The following TBATA variants were observed in gnomAD, a reference collection of about 807,000 sequenced individuals.
The protein encoded by TBATA is thymus, brain and testes associated, also known as protein TBATA.
In TBATA, 47 loss-of-function variants were observed where a neutral mutation model predicts 38.7. The ratio of observed to expected loss-of-function variants is 1.21; its 90% CI spans 0.96 to 1.55. The LOEUF (loss-of-function observed/expected upper bound fraction) is 1.55, where lower values mean the gene tolerates loss of function less well. TBATA is among the 40% of genes most tolerant of loss of function. The pLI is 0.00. For missense variants in TBATA, 436 were observed against 435.6 expected, an observed-to-expected ratio of 1.00 and a Z score of -0.01; for synonymous variants, 183 against 170.5, an observed-to-expected ratio of 1.07 and a Z score of -0.57.
chr10:70,772,455 A>T, intron 10 of TBATA, 59 bp downstream of exon 10: 1 of 1,551,356 alleles, frequency 6.4e-7, no homozygotes, highest in Non-Finnish European at 8.9e-7. Context: ...TCCCCTGAGA[A>T]ATCCAGCCAG....
At position 70,782,027 on chromosome 10, in the gene TBATA, A is replaced by G. The variant is rs147912549; in HGVS notation, c.51T>C (p.Ala17=). The change falls in exon 4 of 11, where the codon GCT becomes GCC. Residue 17 remains alanine, a synonymous_variant. Transcript: ENST00000456372. ...LADYPLMSPK[A]ELKLEKKSGR... ...CTGACTTCTTCTCCAGTTTCAGCTC[A>G]GCCTTTGGACTGAAGGAGGGGGTTT... 1.3e-4 allele frequency: 210 copies of G among 1,614,054 alleles called. No homozygotes were observed. In the African/African-American group the frequency reaches 2.5e-3, roughly 19 times the overall value.
chr10:70,774,800 G>A lies in TBATA; in HGVS notation c.775+389C>T, dbSNP rs372866117. On this transcript the variant is annotated intron_variant, in intron 8 of 10. Transcript: ENST00000456372. ...TCCGCGTGTGTATTCCTGTGTTCAT[G>A]TGTATACACATGAGTAGCCTTATGT... Among the ~76,000 whole-genome samples the A allele has an allele frequency of 2.4e-4, 36 of 152,280 alleles. No individual in the cohort carries two copies. In the East Asian group the frequency reaches 5.8e-3, roughly 25 times the overall value.
At chr10:70,782,359 A>C in intron 3 of TBATA, 1 of 1,373,868 alleles carries the variant, frequency 7.3e-7, no homozygotes, top group Non-Finnish European at 9.6e-7. Flanking sequence ...CCACCTACTC[A>C]TCAAAATACC....
chr10:70,781,917 C>T lies in TBATA; in HGVS notation c.161G>A (p.Arg54Gln), dbSNP rs148695255. 58 of 1,614,230 alleles carry T rather than the reference C, an allele frequency of 3.6e-5. No homozygotes were observed. Among genetic ancestry groups the T allele is most frequent in the African/African-American group, 1.3e-4 (10 of 75,062 alleles). The change falls in exon 4 of 11, where the codon CGG becomes CAG. Residue 54 changes from arginine to glutamine, a missense_variant. By Grantham distance (43) the Arg-to-Gln change is conservative. Transcript: ENST00000456372. ...PGIVDFERIR[R>Q]ALRTPKPQTP... ...TTGGGGCTTTGGGGTCCTCAATGCCCGGCGGATCCGCTCGAAATCCACAAT... is the reference window on the plus strand; with the variant it reads ...TTGGGGCTTTGGGGTCCTCAATGCCTGGCGGATCCGCTCGAAATCCACAAT...
At chr10:70,777,060 ACCAGTATCC>A in intron 7 of TBATA, 84 bp downstream of exon 7, 1 of 1,366,650 alleles carries the variant, frequency 7.3e-7, no homozygotes, top group Admixed American at 2.4e-5. Context: ...AGTCCTAGGC[ACCAGTATCC>A]CTGGGAGGGG....
intron 6 of TBATA, among the ~76,000 whole-genome samples, chr10:70,778,184 C>G (rs1354316308): frequency 6.6e-6 from 1 of 152,184 alleles, no homozygotes; most frequent in African/African-American, 2.4e-5. Flanking sequence ...GCTGCTCCTC[C>G]CCACATGCAA....
At chr10:70,772,127 C>T in intron 10 of TBATA, 1 of 441,812 alleles carries the variant, frequency 2.3e-6, no homozygotes, top group South Asian at 1.7e-5. Flanking sequence ...CTGTATCTTT[C>T]CTGCCGTTCA....
At position 70,780,767 on chromosome 10, in the gene TBATA, C is replaced by T. The variant is rs75587114; in HGVS notation, c.278-1025G>A. ...GCCTCAGTCAATGTACTCCAGTTTC[C>T]CAGGTGCTCAAGCCAAAAATCTAAG... is the stretch of plus-strand genomic sequence containing the variant. On this transcript the variant is annotated intron_variant, in intron 4 of 10. Transcript: ENST00000456372. Among the ~76,000 whole-genome samples, 558 of 152,302 alleles carry T rather than the reference C, an allele frequency of 3.7e-3. 1 individual carries two copies. Among genetic ancestry groups the T allele is most frequent in the African/African-American group, 0.012 (509 of 41,552 alleles).
At chr10:70,774,081 G>A (rs995877528) in intron 9 of TBATA, 132 bp downstream of exon 9, 1 of 1,234,376 alleles carries the variant, frequency 8.1e-7, no homozygotes, top group Non-Finnish European at 1.1e-6. Context: ...GGGAGGGGCT[G>A]GGCCTCTGCC....
In TBATA at chr10:70,778,554, C is replaced by T. The variant is rs1467003720; in HGVS notation, c.507+3G>A. 2 of 1,613,960 alleles carry T rather than the reference C, an allele frequency of 1.2e-6. No individual in the cohort carries two copies. Among genetic ancestry groups the T allele is most frequent in the South Asian group, 1.1e-5 (1 of 91,072 alleles). The stretch of plus-strand genomic sequence containing the variant: ...CAGACTAGCTCCTGTGTTCCGCACC[C>T]ACCTCTTTCTTCTTCAGTTCATCCT... On this transcript the variant is annotated splice_donor_region_variant and intron_variant, in intron 6 of 10. Coordinates refer to ENST00000456372, the MANE Select transcript of TBATA (RefSeq NM_001318241.2).
chr10:70,777,305 GC>G lies in TBATA; in HGVS notation c.540del (p.Glu180AspfsTer66), dbSNP rs765702528. On this transcript the variant is annotated frameshift_variant, in exon 7 of 11. Coordinates refer to ENST00000456372, the MANE Select transcript of TBATA (RefSeq NM_001318241.2). LOFTEE classifies it high-confidence loss of function. ...QKEQKEEPLR[E>X]QGAKYSAETG... ...GTCTCTGCTGAGTACTTTGCCCCCT[GC>G]TCCCGCAGAGGCTCCTCCTTCTGCT... 16 of 1,613,530 alleles carry G rather than the reference GC, an allele frequency of 9.9e-6. No individual in the cohort carries two copies. Among genetic ancestry groups the G allele is most frequent in the African/African-American group, 1.3e-5 (1 of 74,914 alleles).
At chr10:70,776,349 G>A in intron 7 of TBATA, 1 of 456,306 alleles carries the variant, frequency 2.2e-6, no homozygotes, top group Non-Finnish European at 4.4e-6. Flanking sequence ...CTCCCCACAG[G>A]ACCTGAGAAC....
At chr10:70,776,403 C>T (rs997617911) in intron 7 of TBATA, 11 of 456,192 alleles carry the variant, frequency 2.4e-5, no homozygotes, top group Admixed American at 7.0e-5. Flanking sequence ...GGAGAAAGCA[C>T]CTTAGTCCTG....
Position 70,779,714 on chromosome 10 carries a change from G to A in TBATA, c.306C>T (p.Val102=), listed in dbSNP as rs916998521. The change falls in exon 5 of 11, where the codon GTC becomes GTT. Residue 102 remains valine (V), a synonymous_variant. Coordinates refer to ENST00000456372, the MANE Select transcript of TBATA (RefSeq NM_001318241.2). ...QDLTGKPVCV[V]RDFPAPLPES... Reference sequence around the variant, plus strand: ...CAGGCAAGGGGGCTGGAAAATCCCTGACGACACAGACAGGCTTCCCGGTGA... The same window carrying A: ...CAGGCAAGGGGGCTGGAAAATCCCTAACGACACAGACAGGCTTCCCGGTGA... 3.9e-6 allele frequency: 6 copies of A among 1,537,218 alleles called. No individual in the cohort carries two copies. The African/African-American group carries it at 8.7e-5, about 22-fold the overall frequency.
At chr10:70,772,208 C>G (rs1025613524) in intron 10 of TBATA, 2 of 574,174 alleles carry the variant, frequency 3.5e-6, no homozygotes, top group Admixed American at 4.4e-5. Flanking sequence ...ATTCTCCTTA[C>G]AGTATCTGTC....
intron 9 of TBATA, among the ~76,000 whole-genome samples, chr10:70,773,627 C>T (rs770194739): frequency 6.6e-6 from 1 of 152,162 alleles, no homozygotes; most frequent in Non-Finnish European, 1.5e-5. Context: ...TTTGGGTAGG[C>T]CATTCTATTG....
At chr10:70,778,241 GT>G (rs1843678754) in intron 6 of TBATA, among the ~76,000 whole-genome samples, 1 of 152,038 alleles carries the variant, frequency 6.6e-6, no homozygotes, top group Admixed American at 6.5e-5. Flanking sequence ...TTATAGCCTG[GT>G]TTCTGATGGT....
chr10:70,779,587 A>G lies in TBATA; in HGVS notation c.427+6T>C. On this transcript the variant is annotated splice_donor_region_variant and intron_variant, in intron 5 of 10. Transcript: ENST00000456372. Reference sequence around the variant, plus strand: ...GGGTAGAGGGAGGCATGGCCCAAGTACCCACCAGAAGAAAGCTGGGGGTTC... The same window carrying G: ...GGGTAGAGGGAGGCATGGCCCAAGTGCCCACCAGAAGAAAGCTGGGGGTTC... The G allele has an allele frequency of 6.7e-7, 1 of 1,483,326 alleles. No homozygotes were observed. The highest frequency in any genetic ancestry group is 8.9e-7 in the Non-Finnish European group (1 of 1,122,118). 91.9% of individuals were successfully genotyped at this position (1,483,326 alleles called of 1,614,324 possible). A position where few individuals can be genotyped will look rare whatever the true frequency, so the allele number is the denominator to read the frequency against.
intron 4 of TBATA, 27 bp downstream of exon 4, chr10:70,781,774 C>T: frequency 1.3e-6 from 2 of 1,597,906 alleles, no homozygotes; most frequent in Admixed American, 1.7e-5. Context: ...ACTCCCTCTG[C>T]TCCCACCCCA....
Sources: gnomAD v4.1 joint callset for allele counts (sites outside exome capture counted in the v4.1 genomes callset) on GRCh38, gnomAD v4.1.1 for gene constraint, MANE v1.5 for transcripts, NCBI Gene and HGNC (gene_info 2026-07-23, HGNC 2026-07-21) for gene names.